Variants in ISOC2 observed in about 807,000 individuals in gnomAD.
ISOC2 encodes the protein isochorismatase domain containing 2.
A neutral mutation model predicts 19.3 loss-of-function variants in ISOC2; 15 were observed. The ratio of observed to expected loss-of-function variants is 0.78; its 90% CI spans 0.52 to 1.20. The LOEUF is 1.20. Among genes scored for constraint, ISOC2 ranks in the 50% most tolerant of loss-of-function variants. The probability of loss-of-function intolerance (pLI) is 0.00; values close to 1 mark genes in which losing one functional copy is unlikely to be tolerated. For missense variants in ISOC2, 285 were observed against 272.4 expected (o/e 1.05, Z -0.33); for synonymous variants, 106 against 115.8 (o/e 0.92, Z 0.54).
At chr19:55,456,116 C>T (rs62128233) in intron 2 of ISOC2, 102,065 of 574,150 alleles carry the variant, frequency 0.18, 10,925 homozygotes, top group Admixed American at 0.24. Flanking sequence ...TGGGCCTGGA[C>T]GCCTGGGTCT....
Position 55,453,138 on chromosome 19 carries a change from G to T in ISOC2, c.*170C>A. 2 of 524,672 alleles carry T rather than the reference G, an allele frequency of 3.8e-6. No homozygotes were observed. The highest frequency in any genetic ancestry group is 3.4e-5 in the East Asian group (1 of 29,344). The allele number at this position is 524,672 out of a possible 1,614,324, so 32.5% of individuals were successfully genotyped here. A position where few individuals can be genotyped will look rare whatever the true frequency, so the allele number is the denominator to read the frequency against. On this transcript the variant is annotated 3_prime_UTR_variant, in exon 6 of 6. Coordinates refer to ENST00000425675, the MANE Select transcript of ISOC2 (RefSeq NM_001136201.2). ...CACCCAGTTTCCAGGAGTCTCATTT[G>T]CATTTCCGGGAGCAGCTGTCCAATG...
intron 1 of ISOC2, among the ~76,000 whole-genome samples, chr19:55,457,735 C>G (rs978991813): frequency 6.7e-6 from 1 of 150,216 alleles, no homozygotes; most frequent in South Asian, 2.1e-4. Context: ...GAGGCTGAGG[C>G]AGGAGAATCA....
At position 55,456,254 on chromosome 19, in the gene ISOC2, G is replaced by A. The variant is rs533914689; in HGVS notation, c.138+95C>T. 1.8e-3 allele frequency: 1,105 copies of A among 601,582 alleles called. 2 individuals carry two copies. The highest frequency in any genetic ancestry group is 2.6e-3 in the Non-Finnish European group (878 of 333,856). The allele number at this position is 601,582 out of a possible 1,614,324, so 37.3% of individuals were successfully genotyped here. A position where few individuals can be genotyped will look rare whatever the true frequency, so the allele number is the denominator to read the frequency against. ...GGTGGAGGGCTGAGCCTGGATCCTG[G>A]GTCTGAGGGTGGAGGGCTGAGCCTG... On this transcript the variant is annotated intron_variant, in intron 2 of 5. Transcript: ENST00000425675.
chr19:55,455,826 A>T lies in ISOC2; in HGVS notation c.158T>A (p.Val53Glu). Residue 53 changes from valine (V) to glutamate (E), a missense_variant, in exon 3 of 6, where the codon GTG (valine) becomes GAG (glutamate). Val to Glu is a moderately radical substitution (Grantham distance 121). Transcript: ENST00000425675. Reference protein sequence around the residue: ...RMLKVARLLEVPVMLTEQYPQ... With the variant: ...RMLKVARLLEEPVMLTEQYPQ... ...GTACTGCTCCGTCAGCATGACTGGC[A>T]CCTCAAGCAGCCGGGCCACCTGTGC... 1 of 1,539,248 alleles carries T rather than the reference A, an allele frequency of 6.5e-7. No individual in the cohort carries two copies. The highest frequency in any genetic ancestry group is 8.8e-7 in the Non-Finnish European group (1 of 1,139,880).
chr19:55,461,432 C>T (rs984053719), intron 1 of ISOC2, 80 bp downstream of exon 1: 1 of 152,234 alleles, frequency 6.6e-6, no homozygotes, highest in Admixed American at 6.5e-5. Flanking sequence ...CCCGGGACGC[C>T]CAGGCAGAGC....
Position 55,453,184 on chromosome 19 carries a change from C to G in ISOC2, c.*124G>C. On this transcript the variant is annotated 3_prime_UTR_variant, in exon 6 of 6. Coordinates refer to ENST00000425675, the MANE Select transcript of ISOC2 (RefSeq NM_001136201.2). ...CAATGGGAAGGCAGCACCCTGCCCC[C>G]CCCACAAGGGGGCGGCACTCCTGGT... is the stretch of plus-strand genomic sequence containing the variant. The G allele has an allele frequency of 1.6e-6, 1 of 608,800 alleles. No individual in the cohort carries two copies. Among genetic ancestry groups the G allele is most frequent in the Non-Finnish European group, 2.8e-6 (1 of 362,184 alleles). The allele number at this position is 608,800 out of a possible 1,614,324, so 37.7% of individuals were successfully genotyped here. A position where few individuals can be genotyped will look rare whatever the true frequency, so the allele number is the denominator to read the frequency against.
At chr19:55,458,833 T>C (rs2123385718) in intron 1 of ISOC2, among the ~76,000 whole-genome samples, 1 of 152,186 alleles carries the variant, frequency 6.6e-6, no homozygotes, top group South Asian at 2.1e-4. Context: ...GGCCTTGAGC[T>C]GCTATTTTCA....
In ISOC2 at chr19:55,453,161, A is replaced by C; in HGVS notation, c.*147T>G. The C allele has an allele frequency of 3.7e-6, 2 of 539,672 alleles. No homozygotes were observed. Among genetic ancestry groups the C allele is most frequent in the Non-Finnish European group, 6.5e-6 (2 of 306,040 alleles). 33.4% of individuals were successfully genotyped at this position (539,672 alleles called of 1,614,324 possible). On this transcript the variant is annotated 3_prime_UTR_variant, in exon 6 of 6. Coordinates refer to ENST00000425675, the MANE Select transcript of ISOC2 (RefSeq NM_001136201.2). ...TTGCATTTCCGGGAGCAGCTGTCCA[A>C]TGGGAAGGCAGCACCCTGCCCCCCC...
At position 55,453,187 on chromosome 19, in the gene ISOC2, C is replaced by CCT; in HGVS notation, c.*120_*121insAG. ...TGGGAAGGCAGCACCCTGCCCCCCC[C>CCT]ACAAGGGGGCGGCACTCCTGGTGGA... On this transcript the variant is annotated 3_prime_UTR_variant, in exon 6 of 6. Transcript: ENST00000425675. The CCT allele has an allele frequency of 1.6e-6, 1 of 628,454 alleles. No individual in the cohort carries two copies. 38.9% of individuals were successfully genotyped at this position (628,454 alleles called of 1,614,324 possible).
Position 55,455,280 on chromosome 19 carries a change from C to T in ISOC2, c.399G>A (p.Val133=). 1.9e-6 allele frequency: 3 copies of T among 1,613,074 alleles called. No individual in the cohort carries two copies. Among genetic ancestry groups the T allele is most frequent in the East Asian group, 2.2e-5 (1 of 44,844 alleles). Residue 133 remains valine (V), a synonymous_variant, in exon 4 of 6, where the codon GTG becomes GTA. Transcript: ENST00000425675. ...CTCACCTGCGTGAGGAGCAGGCGTC[C>T]ACCACCACATGGACCTGCAGCCCCC... is the stretch of plus-strand genomic sequence containing the variant. The part of the protein sequence containing the change: ...LDRGLQVHVV[V]DACSSRSQVD...
Position 55,453,266 on chromosome 19 carries a change from G to T in ISOC2, c.*42C>A, listed in dbSNP as rs763632548. 10 of 1,464,392 alleles carry T rather than the reference G, an allele frequency of 6.8e-6. No individual in the cohort carries two copies. The highest frequency in any genetic ancestry group is 2.4e-5 in the East Asian group (1 of 41,722). 90.7% of individuals were successfully genotyped at this position (1,464,392 alleles called of 1,614,324 possible). On this transcript the variant is annotated 3_prime_UTR_variant, in exon 6 of 6. Coordinates refer to ENST00000425675, the MANE Select transcript of ISOC2 (RefSeq NM_001136201.2). ...GGGGAACGGGCTTCCACTGAGGTCC[G>T]GGTGACAGGAGGGTGGTCTTCCCTC...
intron 5 of ISOC2, chr19:55,453,638 T>A (rs555962793): frequency 1.3e-4 from 44 of 334,898 alleles, no homozygotes; most frequent in Admixed American, 3.0e-4. Flanking sequence ...GACAGCTCTG[T>A]GCTGGGGCTT....
At chr19:55,458,510 C>T (rs186023816) in intron 1 of ISOC2, among the ~76,000 whole-genome samples, 21 of 151,894 alleles carry the variant, frequency 1.4e-4, no homozygotes, top group African/African-American at 4.6e-4. Context: ...GGGCACTCAA[C>T]AAGAAGCTGC....
chr19:55,457,445 A>C (rs1333012633), intron 1 of ISOC2, among the ~76,000 whole-genome samples: 1 of 151,760 alleles, frequency 6.6e-6, no homozygotes, highest in African/African-American at 2.4e-5. Context: ...GAGGCAGGAG[A>C]ATCGCTTGAA....
rs1043646356 is a variant in ISOC2, at chr19:55,461,194, G to A, written c.-4+318C>T. On this transcript the variant is annotated intron_variant, in intron 1 of 5. Transcript: ENST00000425675. ...GGTAGGGCCGTTGATTTCCCCACCCGGTCTCGGAAACCCGGCCTTGGAGCC... is the reference window on the plus strand; with the variant it reads ...GGTAGGGCCGTTGATTTCCCCACCCAGTCTCGGAAACCCGGCCTTGGAGCC... 1.2e-3 allele frequency among the ~76,000 whole-genome samples: 51 copies of A among 41,648 alleles called. 1 individual carries two copies. The highest frequency in any genetic ancestry group is 3.6e-3 in the African/African-American group (43 of 12,054). The allele number at this position is 41,648 out of a possible 152,430, so 27.3% of individuals were successfully genotyped here.
At chr19:55,461,091 G>A (rs1254830086) in intron 1 of ISOC2, among the ~76,000 whole-genome samples, 2 of 152,158 alleles carry the variant, frequency 1.3e-5, no homozygotes, top group African/African-American at 2.4e-5. Flanking sequence ...CCTGCGGAAC[G>A]AGGAGAGATT....
At chr19:55,453,427 G>A in intron 5 of ISOC2, 39 bp from the exon 6 acceptor site, 1 of 1,433,718 alleles carries the variant, frequency 7.0e-7, no homozygotes, top group Non-Finnish European at 9.4e-7. Context: ...AAGCGTCTAG[G>A]GTCCCGATCT....
In ISOC2 at chr19:55,453,155, T is replaced by G; in HGVS notation, c.*153A>C. ...TCTCATTTGCATTTCCGGGAGCAGCTGTCCAATGGGAAGGCAGCACCCTGC... is the reference window on the plus strand; with the variant it reads ...TCTCATTTGCATTTCCGGGAGCAGCGGTCCAATGGGAAGGCAGCACCCTGC... On this transcript the variant is annotated 3_prime_UTR_variant, in exon 6 of 6. Coordinates refer to ENST00000425675, the MANE Select transcript of ISOC2 (RefSeq NM_001136201.2). The G allele has an allele frequency of 1.9e-6, 1 of 530,016 alleles. No individual in the cohort carries two copies. The highest frequency in any genetic ancestry group is 3.4e-6 in the Non-Finnish European group (1 of 298,040). The allele number at this position is 530,016 out of a possible 1,614,324, so 32.8% of individuals were successfully genotyped here. A position where few individuals can be genotyped will look rare whatever the true frequency, so the allele number is the denominator to read the frequency against.
chr19:55,455,531 G>A, intron 3 of ISOC2, 105 bp downstream of exon 3: 4 of 1,116,498 alleles, frequency 3.6e-6, no homozygotes, highest in Non-Finnish European at 5.1e-6. Context: ...GTCAGGATGG[G>A]GGTCCTGCAG....
Sources: gnomAD v4.1 joint callset for allele counts (sites outside exome capture counted in the v4.1 genomes callset) on GRCh38, gnomAD v4.1.1 for gene constraint, MANE v1.5 for transcripts, NCBI Gene and HGNC (gene_info 2026-07-23, HGNC 2026-07-21) for gene names.